Variants in BIRC6 observed in about 807,000 individuals in gnomAD.
BIRC6 encodes baculoviral IAP repeat containing 6, also known as dual E2 ubiquitin-conjugating enzyme/E3 ubiquitin-protein ligase BIRC6.
In BIRC6, 98 loss-of-function variants were observed where a neutral mutation model predicts 503.3. The ratio of observed to expected loss-of-function variants is 0.19; its 90% CI spans 0.17 to 0.23. The LOEUF is 0.23. Ranked by LOEUF, BIRC6 falls within the 10% of genes least tolerant of loss-of-function variation. The probability of loss-of-function intolerance (pLI) is 1.00; values close to 1 mark genes in which losing one functional copy is unlikely to be tolerated. For synonymous variants in BIRC6, 2,240 were observed against 2,078.7 expected, an observed-to-expected ratio of 1.08 and a Z score of -2.11; for missense variants, 5,360 against 5,806.0, an observed-to-expected ratio of 0.92 and a Z score of 2.50.
In BIRC6 at chr2:32,357,115, C is replaced by T; in HGVS notation, c.-47C>T. ...CGACGTTCCGCGTGCGTGCGGGCGC[C>T]TGACTTCACTTCCGGCTAACGCGCT... is the stretch of plus-strand genomic sequence containing the variant. On this transcript the variant is annotated 5_prime_UTR_variant, in exon 1 of 74. Transcript: ENST00000421745. The surrounding 1 kb of genome is among the most constrained non-coding windows in gnomAD (Gnocchi z 4.9). The T allele has an allele frequency of 7.0e-7, 1 of 1,422,718 alleles. No individual in the cohort carries two copies. The highest frequency in any genetic ancestry group is 1.5e-5 in the South Asian group (1 of 68,344). 88.1% of individuals were successfully genotyped at this position (1,422,718 alleles called of 1,614,324 possible). A position where few individuals can be genotyped will look rare whatever the true frequency, so the allele number is the denominator to read the frequency against.
At chr2:32,524,043 T>TA (rs72216981) in intron 57 of BIRC6, among the ~76,000 whole-genome samples, 1,931 of 143,730 alleles carry the variant, frequency 0.013, 16 homozygotes, top group Non-Finnish European at 0.02. Flanking sequence ...GACCTTATCT[T>TA]AAAAAAAAAA....
intron 65 of BIRC6, among the ~76,000 whole-genome samples, chr2:32,556,258 A>G (rs193209449): frequency 6.6e-6 from 1 of 152,312 alleles, no homozygotes; most frequent in Admixed American, 6.5e-5. Flanking sequence ...TAAGTTTTAT[A>G]AGGGGAGGAC....
chr2:32,485,690 A>T lies in BIRC6; in HGVS notation c.7744A>T (p.Met2582Leu). The change falls in exon 40 of 74, where the codon ATG becomes TTG. Residue 2582 changes from methionine to leucine, a missense_variant. By Grantham distance (15) the Met-to-Leu change is conservative. Around this residue, in one of 16 missense-constraint regions of BIRC6, gnomAD observed 2,299 missense variants for 2,267.2 expected, o/e 1.01. Transcript: ENST00000421745. ...EVGLEQQAEL[M>L]LKMMSTLEAD... ...TGGACTTGAACAGCAAGCAGAACTG[A>T]TGTTGAAAATGATGTCTACTCTGGA... 2.5e-6 allele frequency: 4 copies of T among 1,613,796 alleles called. No homozygotes were observed. Among genetic ancestry groups the T allele is most frequent in the South Asian group, 1.1e-5 (1 of 91,070 alleles).
At chr2:32,403,219 G>A (rs2040793930) in intron 8 of BIRC6, among the ~76,000 whole-genome samples, 1 of 152,122 alleles carries the variant, frequency 6.6e-6, no homozygotes, top group Non-Finnish European at 1.5e-5. Flanking sequence ...GGAATTGATA[G>A]TGAATATAAT....
intron 54 of BIRC6, among the ~76,000 whole-genome samples, chr2:32,514,449 T>C (rs978959920): frequency 2.6e-5 from 4 of 152,256 alleles, no homozygotes; most frequent in African/African-American, 4.8e-5. Flanking sequence ...AACTTACTGA[T>C]AGCTAACTAT....
chr2:32,434,217 A>T (rs919402072), intron 13 of BIRC6, among the ~76,000 whole-genome samples: 1 of 152,118 alleles, frequency 6.6e-6, no homozygotes, highest in Non-Finnish European at 1.5e-5. Context: ...TATCTTTCTT[A>T]CAAGTTCAGA....
At chr2:32,445,246 C>G (rs966753439) in intron 20 of BIRC6, among the ~76,000 whole-genome samples, 4 of 152,222 alleles carry the variant, frequency 2.6e-5, no homozygotes, top group African/African-American at 9.7e-5. Flanking sequence ...AATAAATACA[C>G]ATTATTATAC....
At chr2:32,537,870 G>T (rs2057360214) in intron 61 of BIRC6, among the ~76,000 whole-genome samples, 1 of 151,930 alleles carries the variant, frequency 6.6e-6, no homozygotes, top group South Asian at 2.1e-4. Flanking sequence ...GGAGGCTGAG[G>T]CAGGAGAATG....
chr2:32,478,438 A>C (rs1372392966), intron 35 of BIRC6, among the ~76,000 whole-genome samples, 197 bp from the exon 36 acceptor site: 4 of 152,210 alleles, frequency 2.6e-5, no homozygotes, highest in Non-Finnish European at 5.9e-5. Context: ...ATTAGATCTT[A>C]AACCAGATTT....
intron 68 of BIRC6, among the ~76,000 whole-genome samples, chr2:32,597,300 C>T (rs576769106): frequency 1.5e-3 from 232 of 152,230 alleles, no homozygotes; most frequent in Non-Finnish European, 2.9e-3. Context: ...TGTGCATATC[C>T]AGGATTAATT....
rs761760587 is a variant in BIRC6 at position 32,481,346 on chromosome 2, A to G, written c.7435A>G (p.Lys2479Glu). 3 of 1,609,530 alleles carry G rather than the reference A, an allele frequency of 1.9e-6. No homozygotes were observed. In the South Asian group the frequency reaches 3.3e-5, roughly 18 times the overall value. The stretch of plus-strand genomic sequence containing the variant: ...TGCACCTCCTCTGTCCTCTTTGGAA[A>G]AAGATAAAGAAATTGACCTTGAGTT... ...TGAPPLSSLE[K>E]DKEIDLELLQ... The change falls in exon 38 of 74, where the codon AAA (lysine) becomes GAA (glutamate). Residue 2479 changes from lysine (K) to glutamate (E), a missense_variant. Around this residue, in one of 16 missense-constraint regions of BIRC6, gnomAD observed 2,299 missense variants for 2,267.2 expected, o/e 1.01. Transcript: ENST00000421745.
intron 23 of BIRC6, among the ~76,000 whole-genome samples, chr2:32,454,594 T>G (rs182789144): frequency 1.3e-5 from 2 of 152,238 alleles, no homozygotes; most frequent in African/African-American, 4.8e-5. Context: ...ATATCTGTAT[T>G]AGTCACTGAA....
At chr2:32,410,536 T>C (rs1047239691) in intron 9 of BIRC6, among the ~76,000 whole-genome samples, 1 of 152,198 alleles carries the variant, frequency 6.6e-6, no homozygotes, top group African/African-American at 2.4e-5. Flanking sequence ...AGTAGTCATG[T>C]TATGTGAAAT....
At chr2:32,437,794 GCTTT>G (rs2044895643) in intron 15 of BIRC6, among the ~76,000 whole-genome samples, 2 of 152,182 alleles carry the variant, frequency 1.3e-5, no homozygotes, top group Admixed American at 1.3e-4. Flanking sequence ...CAAGTTTTGT[GCTTT>G]CTTATTGTCA....
chr2:32,357,206 G>T lies in BIRC6; in HGVS notation c.45G>T (p.Glu15Asp). 1 of 1,539,666 alleles carries T rather than the reference G, an allele frequency of 6.5e-7. No individual in the cohort carries two copies. ...CTGCACCTCCCGGGACTGTCACTGA[G>T]CCGCTTCCCAGTGTGATTGTGCTGA... ...GGAAPPGTVT[E>D]PLPSVIVLSA... is the part of the protein sequence containing the mutation. Residue 15 changes from glutamate (E) to aspartate (D), a missense_variant, in exon 1 of 74, where the codon GAG becomes GAT. By Grantham distance (45) the Glu-to-Asp change is conservative (BLOSUM62 2). Around this residue, in one of 16 missense-constraint regions of BIRC6, gnomAD observed 145 missense variants for 106.9 expected, o/e 1.36. Transcript: ENST00000421745. The surrounding 1 kb of genome is among the most constrained non-coding windows in gnomAD (Gnocchi z 4.9).
intron 9 of BIRC6, among the ~76,000 whole-genome samples, chr2:32,413,538 C>T (rs764832252): frequency 3.3e-5 from 5 of 151,858 alleles, no homozygotes; most frequent in African/African-American, 9.7e-5. Flanking sequence ...AGGCTGGTCT[C>T]GAACTCCTGA....
intron 1 of BIRC6, among the ~76,000 whole-genome samples, chr2:32,367,991 T>A (rs1212626749): frequency 6.6e-6 from 1 of 152,214 alleles, no homozygotes; most frequent in Non-Finnish European, 1.5e-5. Context: ...GGAATTTAAA[T>A]CTTCATAATT....
At chr2:32,579,441 A>G (rs1342289329) in intron 66 of BIRC6, among the ~76,000 whole-genome samples, 3 of 152,130 alleles carry the variant, frequency 2.0e-5, no homozygotes, top group African/African-American at 7.2e-5. Context: ...CAGTGCCAGC[A>G]CTTTGGGAGG....
chr2:32,525,533 C>T lies in BIRC6; in HGVS notation c.11825C>T (p.Thr3942Ile). Residue 3942 changes from threonine (T) to isoleucine (I), a missense_variant, in exon 59 of 74, where the codon ACA becomes ATA. By Grantham distance (89) the Thr-to-Ile change is moderately conservative (BLOSUM62 -1). Around this residue, in one of 16 missense-constraint regions of BIRC6, gnomAD observed 878 missense variants for 928.9 expected, o/e 0.95. Coordinates refer to ENST00000421745, the MANE Select transcript of BIRC6 (RefSeq NM_016252.4). Reference protein sequence around the residue: ...PPRPPSRRGRTIPDKIGSTSG... With the variant: ...PPRPPSRRGRIIPDKIGSTSG... ...CGCCCACCATCCAGGAGGGGGAGGA[C>T]AATACCTGATAAAATAGGAAGTACT... The T allele has an allele frequency of 6.2e-7, 1 of 1,613,930 alleles. No homozygotes were observed. Among genetic ancestry groups the T allele is most frequent in the South Asian group, 1.1e-5 (1 of 91,082 alleles).
Sources: allele counts gnomAD v4.1 joint callset (sites outside exome capture counted in the v4.1 genomes callset), GRCh38; gene constraint gnomAD v4.1.1; regional missense constraint gnomAD v4.1.1; non-coding constraint Gnocchi (gnomAD v3.1); transcripts MANE v1.5; gene names NCBI Gene and HGNC (gene_info 2026-07-23, HGNC 2026-07-21).